GRIK2: variants seen among roughly 807,000 people sequenced by gnomAD.
GRIK2 encodes glutamate receptor ionotropic, kainate 2.
In GRIK2, 32 loss-of-function variants were observed where a neutral mutation model predicts 100.3. That is an observed-to-expected ratio of 0.32 (90% CI 0.24 to 0.43). GRIK2 has a LOEUF of 0.43. Among genes scored for constraint, GRIK2 ranks in the 20% least tolerant of loss-of-function variants. The pLI is 1.00. For synonymous variants in GRIK2, 417 were observed against 389.4 expected (o/e 1.07, Z -0.83); for missense variants, 843 against 1,114.9 (o/e 0.76, Z 3.47).
At chr6:101,738,887 T>C (rs1335238511) in intron 7 of GRIK2, among the ~76,000 whole-genome samples, 2 of 152,188 alleles carry the variant, frequency 1.3e-5, no homozygotes, top group African/African-American at 4.8e-5. Context: ...ATATTAGTGA[T>C]GATAAGTGCT....
intron 4 of GRIK2, among the ~76,000 whole-genome samples, chr6:101,656,300 T>C (rs1331563559): frequency 7.8e-5 from 9 of 115,394 alleles, no homozygotes; most frequent in Non-Finnish European, 1.6e-4. Context: ...AGAGACTCCA[T>C]CCAAAAAAAA....
At chr6:101,824,242 G>C (rs919865299) in intron 10 of GRIK2, among the ~76,000 whole-genome samples, 2 of 152,022 alleles carry the variant, frequency 1.3e-5, no homozygotes, top group Admixed American at 1.3e-4. Context: ...CACCCAAGCA[G>C]TATATACCGT....
intron 4 of GRIK2, among the ~76,000 whole-genome samples, chr6:101,672,573 G>GT (rs139334138): frequency 0.17 from 25,931 of 150,524 alleles, 2,627 homozygotes; most frequent in East Asian, 0.44. Context: ...ATTTTTATGT[G>GT]TTTTTTTTTC....
intron 2 of GRIK2, among the ~76,000 whole-genome samples, chr6:101,485,628 A>G (rs554133572): frequency 1.3e-5 from 2 of 152,298 alleles, no homozygotes; most frequent in Admixed American, 1.3e-4. Flanking sequence ...CACCATAAAT[A>G]TTAGTAGAGT....
intron 2 of GRIK2, among the ~76,000 whole-genome samples, chr6:101,504,123 A>G (rs943262355): frequency 2.0e-5 from 3 of 152,162 alleles, no homozygotes; most frequent in Non-Finnish European, 4.4e-5. Context: ...TCTAAATTGC[A>G]TATTTATCTT....
intron 7 of GRIK2, among the ~76,000 whole-genome samples, chr6:101,743,118 G>A (rs1191636874): frequency 6.6e-6 from 1 of 152,090 alleles, no homozygotes; most frequent in Non-Finnish European, 1.5e-5. Flanking sequence ...TTAGTCCCTG[G>A]ACAACAAAAG....
intron 2 of GRIK2, among the ~76,000 whole-genome samples, chr6:101,595,942 A>G (rs902878337): frequency 2.1e-5 from 3 of 142,652 alleles, no homozygotes; most frequent in African/African-American, 8.0e-5. Context: ...TCAGCTAAAT[A>G]TAATTCATTA....
intron 2 of GRIK2, among the ~76,000 whole-genome samples, chr6:101,589,500 A>G (rs1034228699): frequency 1.1e-4 from 16 of 152,054 alleles, no homozygotes; most frequent in African/African-American, 3.4e-4. Flanking sequence ...TCTACTTTCT[A>G]CATCTATGAG....
intron 4 of GRIK2, among the ~76,000 whole-genome samples, chr6:101,647,872 G>A (rs1781603644): frequency 6.6e-6 from 1 of 152,008 alleles, no homozygotes; most frequent in Admixed American, 6.6e-5. Flanking sequence ...TGTGCTAAGT[G>A]CTAGTCTCAA....
At chr6:101,450,017 A>G (rs1245644948) in intron 2 of GRIK2, among the ~76,000 whole-genome samples, 2 of 151,700 alleles carry the variant, frequency 1.3e-5, no homozygotes, top group Non-Finnish European at 3.0e-5. Context: ...TTCTTTATAA[A>G]TTATTCTAGT....
intron 2 of GRIK2, among the ~76,000 whole-genome samples, chr6:101,453,731 C>T (rs1054692765): frequency 2.6e-5 from 4 of 151,844 alleles, no homozygotes; most frequent in African/African-American, 7.3e-5. Flanking sequence ...CAGGATGTAA[C>T]GTTATGAAGT....
chr6:101,930,434 C>T (rs1351005065), intron 14 of GRIK2, among the ~76,000 whole-genome samples: 2 of 151,936 alleles, frequency 1.3e-5, no homozygotes, highest in East Asian at 1.9e-4. Flanking sequence ...GAAGTGAATG[C>T]GTGATGCATT....
intron 2 of GRIK2, among the ~76,000 whole-genome samples, chr6:101,531,662 T>C (rs571695551): frequency 2.9e-4 from 44 of 151,982 alleles, no homozygotes; most frequent in African/African-American, 1.0e-3. Context: ...TTATGAATAG[T>C]TCCCTTAAAT....
intron 14 of GRIK2, among the ~76,000 whole-genome samples, chr6:102,015,780 A>G (rs1439641394): frequency 6.6e-6 from 1 of 152,134 alleles, no homozygotes; most frequent in Non-Finnish European, 1.5e-5. Flanking sequence ...GGAGCACTTC[A>G]CCGCCTCCAG....
At chr6:101,836,060 T>C (rs1783068479) in intron 10 of GRIK2, among the ~76,000 whole-genome samples, 1 of 151,258 alleles carries the variant, frequency 6.6e-6, no homozygotes, top group Admixed American at 6.6e-5. Flanking sequence ...CCATGAAGAA[T>C]TATAGGTTGA....
chr6:101,914,524 G>A (rs2039856), intron 12 of GRIK2, among the ~76,000 whole-genome samples: 126 of 151,558 alleles, frequency 8.3e-4, no homozygotes, highest in African/African-American at 3.0e-3. Flanking sequence ...GGATGATAAT[G>A]ACTATATTAA....
chr6:101,863,849 G>A (rs889795354), intron 11 of GRIK2, among the ~76,000 whole-genome samples: 7 of 152,214 alleles, frequency 4.6e-5, no homozygotes, highest in African/African-American at 1.7e-4. Flanking sequence ...GAATGAAGAT[G>A]TGGATTGGCC....
chr6:101,954,691 T>G (rs1181972355), intron 14 of GRIK2, among the ~76,000 whole-genome samples: 1 of 152,152 alleles, frequency 6.6e-6, no homozygotes, highest in African/African-American at 2.4e-5. Context: ...CTGGATGCCT[T>G]TGTGTTTTTT....
At chr6:102,066,120 C>T (rs1772005015) in intron 16 of GRIK2, among the ~76,000 whole-genome samples, 1 of 151,340 alleles carries the variant, frequency 6.6e-6, no homozygotes. Flanking sequence ...ATTACAAGTG[C>T]TAATATATTA....
Sources: gnomAD v4.1 joint callset for allele counts (sites outside exome capture counted in the v4.1 genomes callset) on GRCh38, gnomAD v4.1.1 for gene constraint, MANE v1.5 for transcripts, NCBI Gene and HGNC (gene_info 2026-07-23, HGNC 2026-07-21) for gene names.